CYP19A1: variants seen among roughly 807,000 people sequenced by gnomAD.
CYP19A1 encodes the protein aromatase.
In CYP19A1, 32 loss-of-function variants were observed where a neutral mutation model predicts 44.4. The observed-to-expected ratio is 0.72, with a 90% confidence interval of 0.54 to 0.97. The LOEUF is 0.97. Among genes scored for constraint, CYP19A1 ranks in the 50% least tolerant of loss-of-function variants. The probability of loss-of-function intolerance (pLI) is 0.00; values close to 1 mark genes in which losing one functional copy is unlikely to be tolerated. For missense variants in CYP19A1, 598 were observed against 637.8 expected, an observed-to-expected ratio of 0.94 and a Z score of 0.67; for synonymous variants, 212 against 215.6, an observed-to-expected ratio of 0.98 and a Z score of 0.14.
intron 1 of CYP19A1, among the ~76,000 whole-genome samples, chr15:51,300,025 A>AGCAACAGGAAGAGT (rs1292914244): frequency 2.0e-5 from 3 of 152,248 alleles, no homozygotes; most frequent in Non-Finnish European, 2.9e-5. Flanking sequence ...AGCCAATCTG[A>AGCAACAGGAAGAGT]GCAACAGGAA....
Position 51,210,966 on chromosome 15 carries a change from C to G in CYP19A1, c.1354G>C (p.Val452Leu). Reference sequence around the variant, plus strand: ...ACGTGGAATCGTCTCAGAAGTGTAACGAGGATGGCTTTCATCATCACCATG... The same window carrying G: ...ACGTGGAATCGTCTCAGAAGTGTAAGGAGGATGGCTTTCATCATCACCATG... ...IAMVMMKAIL[V>L]TLLRRFHVKT... The change falls in exon 10 of 10, where the codon GTT becomes CTT. Residue 452 changes from valine to leucine, a missense_variant. Physicochemically the swap from Val to Leu is conservative, Grantham distance 32. Transcript: ENST00000396402. The G allele has an allele frequency of 1.2e-6, 2 of 1,607,310 alleles. No individual in the cohort carries two copies. The highest frequency in any genetic ancestry group is 1.7e-6 in the Non-Finnish European group (2 of 1,173,796).
At chr15:51,274,002 G>A (rs1375112703) in intron 1 of CYP19A1, among the ~76,000 whole-genome samples, 1 of 90,710 alleles carries the variant, frequency 1.1e-5, no homozygotes, top group Non-Finnish European at 2.1e-5. Context: ...GTGAAATTTT[G>A]TCACACACAC....
rs368746678 is a variant in CYP19A1, at chr15:51,299,523, A to AGATGGGCCATGT, written c.-39+38960_-39+38971dup. On this transcript the variant is annotated intron_variant, in intron 1 of 9. Transcript: ENST00000396402. Reference sequence around the variant, plus strand: ...GGTCAGGACAGCTGGAGAATGGAAAAGATGGGCCATGTGATCAGGGCTGCT... The same window carrying AGATGGGCCATGT: ...GGTCAGGACAGCTGGAGAATGGAAAAGATGGGCCATGTGATGGGCCATGTGATCAGGGCTGCT... 6.8e-4 allele frequency among the ~76,000 whole-genome samples: 104 copies of AGATGGGCCATGT among 152,326 alleles called. No individual in the cohort carries two copies. In the East Asian group the frequency reaches 0.016, roughly 24 times the overall value.
intron 1 of CYP19A1, among the ~76,000 whole-genome samples, chr15:51,297,816 TGA>T (rs1491253932): frequency 2.5e-4 from 13 of 51,608 alleles, no homozygotes; most frequent in African/African-American, 4.5e-4. Context: ...ACTGTAGGCA[TGA>T]CACACACACA....
chr15:51,246,588 G>T (rs1761008889), intron 1 of CYP19A1, among the ~76,000 whole-genome samples: 2 of 152,200 alleles, frequency 1.3e-5, no homozygotes, highest in Admixed American at 1.3e-4. Context: ...AACCTCTGGG[G>T]ACACAGCAGA....
chr15:51,295,956 C>T (rs2035986842), intron 1 of CYP19A1, among the ~76,000 whole-genome samples: 1 of 152,124 alleles, frequency 6.6e-6, no homozygotes, highest in African/African-American at 2.4e-5. Context: ...TTCTCAAGAA[C>T]ACAGACAGGT....
At position 51,227,861 on chromosome 15, in the gene CYP19A1, C is replaced by T. The variant is rs2032721100; in HGVS notation, c.369G>A (p.Gln123=). ...TGCCTTTCTCATGCATACCGATGCA[C>T]TGCAGCCCAAGTTTGCTGCCGAATC... ...SSRFGSKLGL[Q]CIGMHEKGII... is the part of the protein sequence containing the mutation. Residue 123 remains glutamine (Q), a synonymous_variant, in exon 4 of 10, where the codon CAG becomes CAA. Transcript: ENST00000396402. 3 of 1,545,634 alleles carry T rather than the reference C, an allele frequency of 1.9e-6. No individual in the cohort carries two copies. Among genetic ancestry groups the T allele is most frequent in the Non-Finnish European group, 1.8e-6 (2 of 1,117,756 alleles).
At chr15:51,328,447 C>G (rs1462727890) in intron 1 of CYP19A1, among the ~76,000 whole-genome samples, 2 of 152,108 alleles carry the variant, frequency 1.3e-5, no homozygotes, top group Non-Finnish European at 2.9e-5. Context: ...CATTCACCGT[C>G]GTAACAAACT....
At chr15:51,249,104 C>T (rs35241865) in intron 1 of CYP19A1, among the ~76,000 whole-genome samples, 57,220 of 151,702 alleles carry the variant, frequency 0.38, 12,560 homozygotes, top group Non-Finnish European at 0.5. Flanking sequence ...CACGCCCGTC[C>T]AATTTTTGTA....
intron 1 of CYP19A1, among the ~76,000 whole-genome samples, chr15:51,328,361 G>A (rs961319009): frequency 2.0e-5 from 3 of 152,208 alleles, no homozygotes; most frequent in Non-Finnish European, 4.4e-5. Context: ...AGTCACTTGT[G>A]ATGTGGATGG....
chr15:51,246,853 A>C (rs2034079774), intron 1 of CYP19A1, among the ~76,000 whole-genome samples: 1 of 151,644 alleles, frequency 6.6e-6, no homozygotes, highest in African/African-American at 2.4e-5. Flanking sequence ...CCAAGCTTGC[A>C]CTCCCTCTTA....
At chr15:51,217,356 T>C (rs888059360) in intron 6 of CYP19A1, among the ~76,000 whole-genome samples, 3 of 152,232 alleles carry the variant, frequency 2.0e-5, no homozygotes, top group African/African-American at 7.2e-5. Flanking sequence ...AACTATGTAA[T>C]GAACTCTCCA....
chr15:51,315,541 T>C (rs1378777520), intron 1 of CYP19A1, among the ~76,000 whole-genome samples: 1 of 152,244 alleles, frequency 6.6e-6, no homozygotes, highest in African/African-American at 2.4e-5. Context: ...AGTTTACTGT[T>C]GTATACCCAG....
chr15:51,260,431 G>A (rs983832946), intron 1 of CYP19A1, among the ~76,000 whole-genome samples: 9 of 152,168 alleles, frequency 5.9e-5, no homozygotes, highest in African/African-American at 2.2e-4. Flanking sequence ...GCTAAAGCAG[G>A]CCCACACAGA....
intron 1 of CYP19A1, among the ~76,000 whole-genome samples, chr15:51,257,492 G>A (rs1294228154): frequency 6.6e-6 from 1 of 152,154 alleles, no homozygotes; most frequent in Non-Finnish European, 1.5e-5. Context: ...CCACAACCTC[G>A]AGGGCCCAGA....
At chr15:51,240,985 T>C (rs991301200) in intron 2 of CYP19A1, among the ~76,000 whole-genome samples, 1 of 152,224 alleles carries the variant, frequency 6.6e-6, no homozygotes, top group Non-Finnish European at 1.5e-5. Flanking sequence ...CTCTCAACCT[T>C]GGCTGCTCAT....
chr15:51,284,256 A>G (rs2035625152), intron 1 of CYP19A1, among the ~76,000 whole-genome samples: 2 of 152,198 alleles, frequency 1.3e-5, no homozygotes, highest in South Asian at 2.1e-4. Flanking sequence ...CAAAAGACCT[A>G]TTTGCATAGT....
rs1566864661 is a variant in CYP19A1, at chr15:51,209,461, A to C, written c.*1347T>G. ...AGTCAAATGGGATGGCAATGGATTC[A>C]ATGACAAATATTTACCTATTTGTAA... is the stretch of plus-strand genomic sequence containing the variant. On this transcript the variant is annotated 3_prime_UTR_variant, in exon 10 of 10. Transcript: ENST00000396402. 1 of 152,248 alleles carries C rather than the reference A, an allele frequency of 6.6e-6. No homozygotes were observed. The highest frequency in any genetic ancestry group is 1.5e-5 in the Non-Finnish European group (1 of 68,032). 9.4% of individuals were successfully genotyped at this position (152,248 alleles called of 1,614,324 possible).
intron 1 of CYP19A1, among the ~76,000 whole-genome samples, chr15:51,273,825 G>A (rs910009644): frequency 6.6e-6 from 1 of 152,164 alleles, no homozygotes; most frequent in Non-Finnish European, 1.5e-5. Context: ...GGCCAACATA[G>A]CAAAACCCCA....
Sources: allele counts gnomAD v4.1 joint callset (sites outside exome capture counted in the v4.1 genomes callset), GRCh38; gene constraint gnomAD v4.1.1; transcripts MANE v1.5; gene names NCBI Gene and HGNC (gene_info 2026-07-23, HGNC 2026-07-21).